The following VAV3 variants were observed in gnomAD, a reference collection of about 807,000 sequenced individuals.
The protein encoded by VAV3 is vav guanine nucleotide exchange factor 3.
Under a neutral mutation model 131.2 loss-of-function variants are expected in VAV3, and 94 were observed. The observed-to-expected ratio is 0.72, with a 90% confidence interval of 0.61 to 0.85. VAV3 has a LOEUF of 0.85. Among genes scored for constraint, VAV3 ranks in the 40% least tolerant of loss-of-function variants. The pLI, the probability that VAV3 is intolerant of heterozygous loss-of-function variation, is 0.00. For missense variants in VAV3, 939 were observed against 1,002.7 expected (o/e 0.94, Z 0.86); for synonymous variants, 349 against 342.0 (o/e 1.02, Z -0.22).
At chr1:107,631,122 T>C (rs910067789) in intron 20 of VAV3, among the ~76,000 whole-genome samples, 2 of 152,146 alleles carry the variant, frequency 1.3e-5, no homozygotes, top group African/African-American at 4.8e-5. Flanking sequence ...CCTTATTTGG[T>C]AACTATCAAA....
intron 2 of VAV3, among the ~76,000 whole-genome samples, chr1:107,843,865 A>G (rs992783477): frequency 1.3e-5 from 2 of 152,076 alleles, no homozygotes; most frequent in South Asian, 4.1e-4. Flanking sequence ...GGGTTCAAAG[A>G]AGATGATTCT....
intron 21 of VAV3, among the ~76,000 whole-genome samples, chr1:107,615,956 G>C (rs1441759505): frequency 6.6e-6 from 1 of 152,158 alleles, no homozygotes; most frequent in Admixed American, 6.6e-5. Flanking sequence ...AATAACAGAT[G>C]CTGACAAGGT....
intron 19 of VAV3, among the ~76,000 whole-genome samples, chr1:107,676,237 C>A (rs1658201658): frequency 6.6e-6 from 1 of 152,220 alleles, no homozygotes; most frequent in Non-Finnish European, 1.5e-5. Flanking sequence ...AGCACAGAAG[C>A]CAGGCTGGCC....
intron 19 of VAV3, among the ~76,000 whole-genome samples, chr1:107,659,849 G>A (rs1479911677): frequency 5.3e-5 from 8 of 152,080 alleles, no homozygotes; most frequent in African/African-American, 1.9e-4. Flanking sequence ...TCTCCAATGA[G>A]AAACAAAAGG....
intron 1 of VAV3, among the ~76,000 whole-genome samples, chr1:107,877,939 G>A (rs1253198695): frequency 1.3e-5 from 2 of 152,140 alleles, no homozygotes; most frequent in Non-Finnish European, 2.9e-5. Flanking sequence ...TAGGAACAGA[G>A]CTGAGGAATA....
intron 1 of VAV3, among the ~76,000 whole-genome samples, chr1:107,915,528 C>T (rs1398677438): frequency 6.6e-6 from 1 of 152,120 alleles, no homozygotes; most frequent in Non-Finnish European, 1.5e-5. Flanking sequence ...TGATCTGTTC[C>T]TCGATGTCCT....
chr1:107,716,795 A>G (rs1254322387), intron 15 of VAV3, among the ~76,000 whole-genome samples: 3 of 152,190 alleles, frequency 2.0e-5, no homozygotes, highest in African/African-American at 7.2e-5. Flanking sequence ...GTTGACTGGA[A>G]TAATTTCAGA....
At chr1:107,800,583 T>C (rs1557855551) in intron 2 of VAV3, among the ~76,000 whole-genome samples, 2 of 152,196 alleles carry the variant, frequency 1.3e-5, no homozygotes, top group African/African-American at 4.8e-5. Flanking sequence ...ATTTGTTACA[T>C]GGGAATATTG....
chr1:107,748,234 TTTTGC>T (rs1298027711), intron 15 of VAV3, among the ~76,000 whole-genome samples: 15 of 152,342 alleles, frequency 9.8e-5, no homozygotes, highest in African/African-American at 3.6e-4. Context: ...TAATTTCCCC[TTTTGC>T]TAACAGTTTT....
intron 2 of VAV3, among the ~76,000 whole-genome samples, chr1:107,824,049 CAG>C (rs1324514487): frequency 6.6e-6 from 1 of 152,136 alleles, no homozygotes; most frequent in African/African-American, 2.4e-5. Context: ...TGCAAAGCAG[CAG>C]AGGAAGAAGG....
chr1:107,684,693 T>C (rs4131725), intron 18 of VAV3, among the ~76,000 whole-genome samples: 29,344 of 152,158 alleles, frequency 0.19, 2,913 homozygotes, highest in Middle Eastern at 0.25. Context: ...TGAAGCTATG[T>C]TGAGCAAGAT....
chr1:107,850,531 T>G (rs1571041297), intron 2 of VAV3, among the ~76,000 whole-genome samples: 1 of 127,508 alleles, frequency 7.8e-6, no homozygotes, highest in Admixed American at 9.4e-5. Context: ...TGAGAACAGA[T>G]GGGCACAGGG....
At position 107,887,536 on chromosome 1, in the gene VAV3, T is replaced by C. The variant is rs1671096007; in HGVS notation, c.205-12519A>G. Among the ~76,000 whole-genome samples, 3 of 152,326 alleles carry C rather than the reference T, an allele frequency of 2.0e-5. No individual in the cohort carries two copies. In the South Asian group the frequency reaches 6.2e-4, roughly 32 times the overall value. ...TAAATTCCACTATTTTGTCCTTCTATCTCCGTGATAAATGTCCCCAGAATA... is the reference window on the plus strand; with the variant it reads ...TAAATTCCACTATTTTGTCCTTCTACCTCCGTGATAAATGTCCCCAGAATA... On this transcript the variant is annotated intron_variant, in intron 1 of 26. Transcript: ENST00000370056.
chr1:107,616,857 T>C (rs1653192091), intron 21 of VAV3, among the ~76,000 whole-genome samples: 2 of 152,146 alleles, frequency 1.3e-5, no homozygotes, highest in Non-Finnish European at 1.5e-5. Context: ...ATCGTATTAG[T>C]AAAGAAATTT....
intron 19 of VAV3, among the ~76,000 whole-genome samples, chr1:107,683,124 CTACT>C (rs1422697925): frequency 6.6e-6 from 1 of 152,166 alleles, no homozygotes; most frequent in Non-Finnish European, 1.5e-5. Flanking sequence ...ATGCTCTCCC[CTACT>C]TACTTAGAAA....
chr1:107,731,925 T>C (rs1294593044), intron 15 of VAV3, among the ~76,000 whole-genome samples: 1 of 152,240 alleles, frequency 6.6e-6, no homozygotes, highest in Non-Finnish European at 1.5e-5. Context: ...CTAAATTATA[T>C]ATTGGTGTCA....
At chr1:107,601,178 T>TCC (rs1458528921) in intron 24 of VAV3, among the ~76,000 whole-genome samples, 1 of 152,184 alleles carries the variant, frequency 6.6e-6, no homozygotes, top group African/African-American at 2.4e-5. Context: ...CCTGCTTGTT[T>TCC]CAACAGAATG....
intron 1 of VAV3, among the ~76,000 whole-genome samples, chr1:107,951,187 T>C (rs1174696165): frequency 6.6e-6 from 1 of 152,186 alleles, no homozygotes; most frequent in Non-Finnish European, 1.5e-5. Flanking sequence ...CACATAACTC[T>C]CTCTCTACTC....
intron 10 of VAV3, among the ~76,000 whole-genome samples, chr1:107,759,913 T>G (rs1288052273): frequency 6.6e-6 from 1 of 152,156 alleles, no homozygotes; most frequent in Non-Finnish European, 1.5e-5. Flanking sequence ...TCCTTATTAT[T>G]TTTTCATAAA....
Sources: allele counts gnomAD v4.1 joint callset (sites outside exome capture counted in the v4.1 genomes callset), GRCh38; gene constraint gnomAD v4.1.1; transcripts MANE v1.5; gene names NCBI Gene and HGNC (gene_info 2026-07-23, HGNC 2026-07-21).